ANO2: variants seen among roughly 807,000 people sequenced by gnomAD.
ANO2 encodes the protein anoctamin 2.
In ANO2, 101 loss-of-function variants were observed where a neutral mutation model predicts 124.2. The observed-to-expected ratio is 0.81, with a 90% CI of 0.69 to 0.96. ANO2 has a LOEUF of 0.96. ANO2 is among the 40% of genes least tolerant of loss of function. The pLI is 0.00. For synonymous variants in ANO2, 486 were observed against 482.5 expected, an observed-to-expected ratio of 1.01 and a Z score of -0.09; for missense variants, 1,293 against 1,274.5, an observed-to-expected ratio of 1.01 and a Z score of -0.22.
intron 10 of ANO2, among the ~76,000 whole-genome samples, chr12:5,784,977 A>G (rs990485993): frequency 6.6e-6 from 1 of 152,212 alleles, no homozygotes; most frequent in African/African-American, 2.4e-5. Context: ...ATTTAATTTG[A>G]GCCATGGATA....
At chr12:5,827,587 G>A in intron 7 of ANO2, 182 bp downstream of exon 7, 1 of 697,640 alleles carries the variant, frequency 1.4e-6, no homozygotes, top group Non-Finnish European at 2.5e-6. Flanking sequence ...GCCCCACTGA[G>A]AAATGGGACC....
At position 5,717,688 on chromosome 12, in the gene ANO2, C is replaced by G. The variant is rs957738396; in HGVS notation, c.1545+14832G>C. Among the ~76,000 whole-genome samples, 9 of 152,176 alleles carry G rather than the reference C, an allele frequency of 5.9e-5. No individual in the cohort carries two copies. The East Asian group carries it at 1.7e-3, about 29-fold the overall frequency. On this transcript the variant is annotated intron_variant, in intron 14 of 24. Transcript: ENST00000682330. ...TCCAGATCTGGCCTGGATGGAATGA[C>G]AGCGCATCATTCTCACTGTAGGCAG...
At chr12:5,718,734 G>GCCTT (rs1950111363) in intron 14 of ANO2, among the ~76,000 whole-genome samples, 1 of 152,216 alleles carries the variant, frequency 6.6e-6, no homozygotes, top group African/African-American at 2.4e-5. Context: ...AGGTACTGGT[G>GCCTT]CCAGATTGGC....
intron 15 of ANO2, among the ~76,000 whole-genome samples, chr12:5,637,128 G>C (rs1946064731): frequency 6.6e-6 from 1 of 152,096 alleles, no homozygotes; most frequent in African/African-American, 2.4e-5. Context: ...GACTACTATC[G>C]TGTAACTGGG....
chr12:5,850,889 C>A (rs1954870023), intron 4 of ANO2, among the ~76,000 whole-genome samples: 1 of 152,192 alleles, frequency 6.6e-6, no homozygotes, highest in Admixed American at 6.5e-5. Context: ...CAAAGTCCTG[C>A]ATTTACACAG....
chr12:5,830,230 C>T (rs1167860114), intron 6 of ANO2, among the ~76,000 whole-genome samples: 3 of 152,020 alleles, frequency 2.0e-5, no homozygotes, highest in South Asian at 4.2e-4. Context: ...AAAGAGAAGA[C>T]GCTCCTCTTA....
intron 3 of ANO2, among the ~76,000 whole-genome samples, chr12:5,899,119 C>G (rs73047639): frequency 0.11 from 16,353 of 152,106 alleles, 2,000 homozygotes; most frequent in African/African-American, 0.3. Context: ...AACACCTTGG[C>G]CATGCATAGT....
intron 16 of ANO2, among the ~76,000 whole-genome samples, chr12:5,634,119 G>A (rs937713565): frequency 1.2e-4 from 19 of 152,138 alleles, no homozygotes; most frequent in Admixed American, 5.2e-4. Context: ...CACAGATAAC[G>A]TTCACAAATA....
chr12:5,741,260 A>G (rs1374694181), intron 12 of ANO2: 2 of 151,438 alleles, frequency 1.3e-5, no homozygotes, highest in Non-Finnish European at 2.9e-5. Context: ...TGAGAATATC[A>G]AACACCTATG....
Position 5,921,155 on chromosome 12 carries a change from G to C in ANO2, c.419C>G (p.Pro140Arg). The change falls in exon 3 of 25, where the codon CCA becomes CGA. Residue 140 changes from proline (P) to arginine (R), a missense_variant. Physicochemically the swap from Pro to Arg is moderately radical, Grantham distance 103 (BLOSUM62 -2). Coordinates refer to ENST00000682330, the MANE Select transcript of ANO2 (RefSeq NM_001364791.2). The part of the protein sequence containing the change: ...ETGKEPHAGG[P>R]GDIELGPLDA... The stretch of plus-strand genomic sequence containing the variant: ...GAGCGGTCCCAGCTCAATGTCACCT[G>C]GGCCCCCAGCATGAGGCTCCTTGCC... 1 of 1,613,966 alleles carries C rather than the reference G, an allele frequency of 6.2e-7. No individual in the cohort carries two copies.
chr12:5,688,616 A>G (rs1446205909), intron 14 of ANO2, among the ~76,000 whole-genome samples: 1 of 152,224 alleles, frequency 6.6e-6, no homozygotes, highest in African/African-American at 2.4e-5. Flanking sequence ...AATCTCAATT[A>G]GGCATGCTGC....
At chr12:5,659,436 G>A (rs904831808) in intron 14 of ANO2, among the ~76,000 whole-genome samples, 1 of 152,078 alleles carries the variant, frequency 6.6e-6, no homozygotes, top group Admixed American at 6.5e-5. Context: ...TCAGCCCCGT[G>A]GACTCACCTA....
intron 20 of ANO2, among the ~76,000 whole-genome samples, chr12:5,580,118 C>G (rs559095586): frequency 1.3e-5 from 2 of 152,148 alleles, no homozygotes; most frequent in East Asian, 3.9e-4. Flanking sequence ...TAGTAGGACT[C>G]CCCTACATAC....
In ANO2 at chr12:5,862,330, T is replaced by G. The variant is rs888510705; in HGVS notation, c.535-8189A>C. 6.6e-6 allele frequency among the ~76,000 whole-genome samples: 1 copy of G among 152,110 alleles called. No homozygotes were observed. The highest frequency in any genetic ancestry group is 2.1e-4 in the South Asian group (1 of 4,820). On this transcript the variant is annotated intron_variant, in intron 3 of 24. Transcript: ENST00000682330. This position sits in a 1 kb window ranked among gnomAD's most constrained non-coding sequence, Gnocchi z 4.0. Reference sequence around the variant, plus strand: ...AGACCAGCAGCAAGACCCTTCCTTCTTATGGAAAAGACTTCACCTGGTTCC... The same window carrying G: ...AGACCAGCAGCAAGACCCTTCCTTCGTATGGAAAAGACTTCACCTGGTTCC...
At chr12:5,799,365 G>A (rs1258148747) in intron 10 of ANO2, 142 bp downstream of exon 10, 4 of 729,038 alleles carry the variant, frequency 5.5e-6, no homozygotes, top group Non-Finnish European at 9.0e-6. Flanking sequence ...CCACCCATGA[G>A]ACACAGAGGA....
At chr12:5,566,784 G>A (rs1234068069) in intron 23 of ANO2, among the ~76,000 whole-genome samples, 2 of 152,158 alleles carry the variant, frequency 1.3e-5, no homozygotes, top group East Asian at 1.9e-4. Flanking sequence ...CCAGAGTCTC[G>A]TGACCAGTAA....
At chr12:5,822,152 T>C (rs977060069) in intron 7 of ANO2, among the ~76,000 whole-genome samples, 8 of 152,186 alleles carry the variant, frequency 5.3e-5, no homozygotes, top group African/African-American at 1.9e-4. Flanking sequence ...CACCTGGTTG[T>C]GCACTTTGCA....
chr12:5,585,641 CTT>C (rs924662993), intron 20 of ANO2, among the ~76,000 whole-genome samples: 1 of 152,194 alleles, frequency 6.6e-6, no homozygotes, highest in African/African-American at 2.4e-5. Context: ...CTTTCTCACT[CTT>C]GTTTACGTTA....
intron 19 of ANO2, among the ~76,000 whole-genome samples, chr12:5,609,878 T>TAC (rs1449157839): frequency 2.0e-5 from 3 of 148,276 alleles, no homozygotes; most frequent in African/African-American, 7.4e-5. Context: ...TGTATATATA[T>TAC]ATATATGTTT....
Sources: gnomAD v4.1 joint callset for allele counts (sites outside exome capture counted in the v4.1 genomes callset) on GRCh38, gnomAD v4.1.1 for gene constraint, Gnocchi (gnomAD v3.1) non-coding constraint, MANE v1.5 for transcripts, NCBI Gene and HGNC (gene_info 2026-07-23, HGNC 2026-07-21) for gene names.